The following XG variants were observed in gnomAD, a reference collection of about 807,000 sequenced individuals.
XG encodes the protein Xg glycoprotein (Xg blood group).
Under a neutral mutation model 25.7 loss-of-function variants are expected in XG, and 24 were observed. The ratio of observed to expected loss-of-function variants is 0.93; its 90% CI spans 0.68 to 1.31. The LOEUF (loss-of-function observed/expected upper bound fraction) is 1.31, where lower values mean the gene tolerates loss of function less well. Among genes scored for constraint, XG ranks in the 40% most tolerant of loss-of-function variants. The probability of loss-of-function intolerance (pLI) is 0.00; values close to 1 mark genes in which losing one functional copy is unlikely to be tolerated. For synonymous variants in XG, 77 were observed against 69.2 expected (o/e 1.11, Z -0.56); for missense variants, 181 against 187.6 (o/e 0.96, Z 0.21).
chrX:2,780,716 T>TG (rs2051101342), intron 3 of XG, among the ~76,000 whole-genome samples: 31 of 130,542 alleles, frequency 2.4e-4, no homozygotes, highest in African/African-American at 9.0e-4. Flanking sequence ...AGACTCTGTC[T>TG]CAAAAAAAAA....
In XG at chrX:2,775,075, CA is replaced by C. The variant is rs754591832; in HGVS notation, c.127+340del. 4.5e-4 allele frequency: 152 copies of C among 337,692 alleles called. 1 individual carries two copies. The East Asian group carries it at 6.6e-3, about 15-fold the overall frequency. 20.9% of individuals were successfully genotyped at this position (337,692 alleles called of 1,614,324 possible). On this transcript the variant is annotated intron_variant, in intron 3 of 10. Transcript: ENST00000644266. The stretch of plus-strand genomic sequence containing the variant: ...TGAACAAATGCTTTGGTGGATCCTC[CA>C]AAAGTTAAATACAGGATTACTCTAT...
At chrX:2,774,766 CTG>C in intron 3 of XG, 27 bp downstream of exon 3, 1 of 1,613,678 alleles carries the variant, frequency 6.2e-7, no homozygotes, top group Non-Finnish European at 8.5e-7. Context: ...CTGGGAAAAA[CTG>C]AGGCAACGTC....
chrX:2,780,805 G>T (rs2051103986), intron 3 of XG, among the ~76,000 whole-genome samples: 1 of 152,036 alleles, frequency 6.6e-6, no homozygotes, highest in South Asian at 2.1e-4. Context: ...CAGGGAGAGG[G>T]TTTTCAGGTC....
chrX:2,755,162 G>A (rs73190916), intron 1 of XG, among the ~76,000 whole-genome samples: 3,759 of 152,222 alleles, frequency 0.025, 55 homozygotes, highest in Non-Finnish European at 0.04. Context: ...CTTGGATCTC[G>A]CTCCATAAAG....
At chrX:2,806,316 A>G (rs751323331) in intron 7 of XG, among the ~76,000 whole-genome samples, 1 of 111,665 alleles carries the variant, frequency 9.0e-6, no homozygotes, top group Non-Finnish European at 1.9e-5. Context: ...GGTGGGAGCC[A>G]CCACACCCAA....
chrX:2,786,112 A>G (rs2086780892), intron 4 of XG, among the ~76,000 whole-genome samples: 1 of 109,629 alleles, frequency 9.1e-6, no homozygotes, highest in Non-Finnish European at 1.9e-5. Flanking sequence ...GAAATTCAGC[A>G]CATTTTTCTT....
chrX:2,776,137 G>A (rs868412264), intron 3 of XG, among the ~76,000 whole-genome samples: 5 of 151,478 alleles, frequency 3.3e-5, no homozygotes, highest in African/African-American at 9.7e-5. Flanking sequence ...TTAGAAAAAC[G>A]CTTTGAGACA....
Position 2,774,742 on chromosome X carries a change from G to A in XG, c.127+3G>A. ...ACCCACCAAGAAGCCAAACTCAGGT[G>A]AGTGTCTCTTCAGCTGGGAAAAACT... On this transcript the variant is annotated splice_donor_region_variant and intron_variant, in intron 3 of 10. Coordinates refer to ENST00000644266, the MANE Select transcript of XG (RefSeq NM_001141919.2). 1 of 1,613,858 alleles carries A rather than the reference G, an allele frequency of 6.2e-7. No homozygotes were observed. Among genetic ancestry groups the A allele is most frequent in the East Asian group, 2.2e-5 (1 of 44,878 alleles).
intron 4 of XG, among the ~76,000 whole-genome samples, chrX:2,782,754 C>T (rs2086743462): frequency 9.0e-6 from 1 of 111,512 alleles, no homozygotes; most frequent in African/African-American, 3.3e-5. Flanking sequence ...TGATGTTACC[C>T]CCAGGAGAAA....
intron 1 of XG, 44 bp from the exon 2 acceptor site, chrX:2,770,506 C>G: frequency 6.2e-7 from 1 of 1,612,064 alleles, no homozygotes; most frequent in African/African-American, 1.3e-5. Context: ...GGGATTCTGG[C>G]CTTTCCATCA....
At chrX:2,774,925 G>A in intron 3 of XG, 186 bp downstream of exon 3, 1 of 714,924 alleles carries the variant, frequency 1.4e-6, no homozygotes, top group Non-Finnish European at 2.5e-6. Flanking sequence ...CCACAGTGAA[G>A]CACCACTTCG....
intron 4 of XG, among the ~76,000 whole-genome samples, chrX:2,783,926 G>A (rs1289278859): frequency 8.9e-6 from 1 of 112,199 alleles, no homozygotes; most frequent in Non-Finnish European, 1.9e-5. Context: ...AGTGAGCCAA[G>A]ATTGTGCCAC....
intron 1 of XG, among the ~76,000 whole-genome samples, chrX:2,765,044 A>G (rs1310953491): frequency 2.7e-5 from 3 of 110,670 alleles, no homozygotes; most frequent in East Asian, 3.2e-4. Context: ...CTTTATCCAA[A>G]AAAAAAAAAA....
chrX:2,811,298 T>C (rs2087053027), intron 9 of XG, 38 bp from the exon 10 acceptor site: 1 of 1,109,071 alleles, frequency 9.0e-7, no homozygotes, highest in East Asian at 3.0e-5. Context: ...AGCCATGTTT[T>C]TTTCTCGGAT....
intron 10 of XG, among the ~76,000 whole-genome samples, chrX:2,813,145 G>A (rs1327475807): frequency 9.0e-6 from 1 of 110,699 alleles, no homozygotes; most frequent in Non-Finnish European, 1.9e-5. Flanking sequence ...TGGCTGCCTG[G>A]TAAGTATTTT....
chrX:2,801,787 C>T (rs1228608427), intron 7 of XG, among the ~76,000 whole-genome samples: 1 of 111,070 alleles, frequency 9.0e-6, no homozygotes, highest in Non-Finnish European at 1.9e-5. Context: ...CGGCTCACTG[C>T]AAGCTCCGCC....
At chrX:2,809,240 C>T (rs901367197) in intron 9 of XG, among the ~76,000 whole-genome samples, 8 of 111,342 alleles carry the variant, frequency 7.2e-5, no homozygotes, top group African/African-American at 2.3e-4. Flanking sequence ...TGGAATGCAA[C>T]GGGAACCAGG....
At chrX:2,809,457 C>T (rs180861897) in intron 9 of XG, among the ~76,000 whole-genome samples, 188 of 111,481 alleles carry the variant, frequency 1.7e-3, no homozygotes, top group Middle Eastern at 9.2e-3. Context: ...AAAGCCTGGG[C>T]AAAGGAGGCA....
chrX:2,784,812 A>G (rs2086769070), intron 4 of XG, among the ~76,000 whole-genome samples: 1 of 111,973 alleles, frequency 8.9e-6, no homozygotes, highest in Admixed American at 9.5e-5. Context: ...TTGGTTTTTC[A>G]TGTTGTGCTT....
Sources: allele counts gnomAD v4.1 joint callset (sites outside exome capture counted in the v4.1 genomes callset), GRCh38; gene constraint gnomAD v4.1.1; transcripts MANE v1.5; gene names NCBI Gene and HGNC (gene_info 2026-07-23, HGNC 2026-07-21).